Variants in AGMO observed in about 807,000 individuals in gnomAD.
The protein encoded by AGMO is glyceryl-ether monooxygenase.
Under a neutral mutation model 60.2 loss-of-function variants are expected in AGMO, and 75 were observed. That is an observed-to-expected ratio of 1.25 (90% CI 1.03 to 1.51). The LOEUF (loss-of-function observed/expected upper bound fraction) is 1.51. AGMO is among the 40% of genes most tolerant of loss of function. The pLI is 0.00. For synonymous variants in AGMO, 261 were observed against 177.1 expected, an observed-to-expected ratio of 1.47 and a Z score of -3.76; for missense variants, 763 against 525.5, an observed-to-expected ratio of 1.45 and a Z score of -4.42.
the AGMO span, among the ~76,000 whole-genome samples, chr7:15,187,984 C>T: frequency 6.6e-6 from 1 of 152,112 alleles, no homozygotes; most frequent in South Asian, 2.1e-4. Flanking sequence ...GACATTATGT[C>T]TTTCCAGACA....
At chr7:15,155,765 T>C in the AGMO span, among the ~76,000 whole-genome samples, 25 of 152,274 alleles carry the variant, frequency 1.6e-4, no homozygotes, top group East Asian at 4.2e-3. Flanking sequence ...TGTGGGCCGA[T>C]GTTCCTTTAA....
At chr7:15,172,160 AC>A in the AGMO span, among the ~76,000 whole-genome samples, 1 of 152,178 alleles carries the variant, frequency 6.6e-6, no homozygotes, top group Non-Finnish European at 1.5e-5. Flanking sequence ...CTTCATTGTA[AC>A]CCTGAGGGTG....
the AGMO span, among the ~76,000 whole-genome samples, chr7:15,163,966 G>A: frequency 6.6e-6 from 1 of 151,908 alleles, no homozygotes; most frequent in Admixed American, 6.6e-5. Context: ...GGCATTTTTT[G>A]TTATTGTTGT....
rs952230031 is a variant in AGMO at position 15,200,332 on chromosome 7, T to C, written c.*953A>G. On this transcript the variant is annotated 3_prime_UTR_variant, in exon 13 of 13. Coordinates refer to ENST00000342526, the MANE Select transcript of AGMO (RefSeq NM_001004320.2). ...GTACACACAACACCTTGGGTAATTT[T>C]ATTTAGAGAATTAACATTGTTCTGA... The C allele has an allele frequency of 6.6e-6, 1 of 152,232 alleles. No homozygotes were observed. Among genetic ancestry groups the C allele is most frequent in the African/African-American group, 2.4e-5 (1 of 41,454 alleles). The allele number at this position is 152,232 out of a possible 1,614,324, so 9.4% of individuals were successfully genotyped here.
At chr7:15,286,160 G>A (rs548187327) in intron 12 of AGMO, among the ~76,000 whole-genome samples, 1 of 152,090 alleles carries the variant, frequency 6.6e-6, no homozygotes, top group African/African-American at 2.4e-5. Flanking sequence ...TTGGACATTG[G>A]TCTAGGAAAA....
intron 3 of AGMO, among the ~76,000 whole-genome samples, chr7:15,431,707 T>C (rs567407724): frequency 6.6e-6 from 1 of 152,026 alleles, no homozygotes; most frequent in East Asian, 1.9e-4. Flanking sequence ...CCTATGGTTT[T>C]CCCATACCTT....
intron 10 of AGMO, among the ~76,000 whole-genome samples, chr7:15,376,759 C>G (rs1384745955): frequency 1.3e-5 from 2 of 152,098 alleles, no homozygotes; most frequent in East Asian, 1.9e-4. Flanking sequence ...GATATCACCC[C>G]AGGAAGTGGA....
At position 15,322,455 on chromosome 7, in the gene AGMO, T is replaced by A. The variant is rs867462907; in HGVS notation, c.1263+43059A>T. On this transcript the variant is annotated intron_variant, in intron 12 of 12. Coordinates refer to ENST00000342526, the MANE Select transcript of AGMO (RefSeq NM_001004320.2). ...GTGTGTATATATATAAATATATATA[T>A]AAATATATATAAATATATAAATATA... 8.6e-4 allele frequency among the ~76,000 whole-genome samples: 69 copies of A among 80,082 alleles called. 4 individuals carry two copies. The highest frequency in any genetic ancestry group is 2.9e-3 in the African/African-American group (68 of 23,550). 52.5% of individuals were successfully genotyped at this position (80,082 alleles called of 152,430 possible).
At chr7:15,406,348 G>GTATA (rs750623933) in intron 5 of AGMO, among the ~76,000 whole-genome samples, 1 of 141,784 alleles carries the variant, frequency 7.1e-6, no homozygotes, top group East Asian at 2.1e-4. Context: ...ATATATATGT[G>GTATA]TATATATATG....
chr7:15,413,676 GA>G (rs958689718), intron 5 of AGMO, among the ~76,000 whole-genome samples: 35 of 151,896 alleles, frequency 2.3e-4, no homozygotes, highest in East Asian at 1.4e-3. Context: ...TTAAAGTACT[GA>G]AAAAAATGCA....
chr7:15,514,639 T>C (rs959226830), intron 3 of AGMO, among the ~76,000 whole-genome samples: 1 of 152,194 alleles, frequency 6.6e-6, no homozygotes, highest in South Asian at 2.1e-4. Context: ...TATATGAATA[T>C]GTGAAAATGC....
chr7:15,493,377 T>A (rs1191825387), intron 3 of AGMO, among the ~76,000 whole-genome samples: 1 of 123,284 alleles, frequency 8.1e-6, no homozygotes, highest in African/African-American at 3.3e-5. Flanking sequence ...TTTTTTTTTT[T>A]TTTTTTTTTT....
At chr7:15,451,661 A>G (rs538946011) in intron 3 of AGMO, among the ~76,000 whole-genome samples, 1 of 152,304 alleles carries the variant, frequency 6.6e-6, no homozygotes, top group African/African-American at 2.4e-5. Flanking sequence ...AAAATGGGTT[A>G]AAGACCTTAG....
chr7:15,336,715 T>C lies in AGMO; in HGVS notation c.1263+28799A>G, dbSNP rs571991349. Among the ~76,000 whole-genome samples, 4 of 152,310 alleles carry C rather than the reference T, an allele frequency of 2.6e-5. No individual in the cohort carries two copies. In the East Asian group the frequency reaches 5.8e-4, roughly 22 times the overall value. ...GTTCTGATACATTTTGAGAAAGTCA[T>C]GGAGAAACTAAACTGTGTTATTTCT... is the stretch of plus-strand genomic sequence containing the variant. On this transcript the variant is annotated intron_variant, in intron 12 of 12. Coordinates refer to ENST00000342526, the MANE Select transcript of AGMO (RefSeq NM_001004320.2).
chr7:15,352,213 A>C (rs1178675404), intron 12 of AGMO, among the ~76,000 whole-genome samples: 1 of 141,268 alleles, frequency 7.1e-6, no homozygotes, highest in Non-Finnish European at 1.6e-5. Flanking sequence ...TTATGGATGA[A>C]ATAAATATAC....
chr7:15,432,398 T>C (rs1362709277), intron 3 of AGMO, among the ~76,000 whole-genome samples: 1 of 76,732 alleles, frequency 1.3e-5, no homozygotes, highest in African/African-American at 4.9e-5. Flanking sequence ...TGGGTAAATT[T>C]TGGCCATTGC....
At chr7:15,547,445 G>C (rs1203198895) in intron 2 of AGMO, among the ~76,000 whole-genome samples, 1 of 152,080 alleles carries the variant, frequency 6.6e-6, no homozygotes, top group Non-Finnish European at 1.5e-5. Context: ...AGTGGGCGCA[G>C]GTCAGTGGGT....
intron 1 of AGMO, 37 bp from the exon 2 acceptor site, chr7:15,560,308 T>A (rs773096844): frequency 3.2e-6 from 5 of 1,587,200 alleles, no homozygotes; most frequent in Non-Finnish European, 4.3e-6. Context: ...TGCTATTATG[T>A]TCCATATGAA....
chr7:15,495,134 A>C (rs1299789692), intron 3 of AGMO, among the ~76,000 whole-genome samples: 3 of 152,160 alleles, frequency 2.0e-5, no homozygotes, highest in Non-Finnish European at 4.4e-5. Flanking sequence ...ATAAACCCCC[A>C]TCATGATGCT....
Sources: gnomAD v4.1 joint callset for allele counts (sites outside exome capture counted in the v4.1 genomes callset) on GRCh38, gnomAD v4.1.1 for gene constraint, MANE v1.5 for transcripts, NCBI Gene and HGNC (gene_info 2026-07-23, HGNC 2026-07-21) for gene names.